OSBP: variants seen among roughly 807,000 people sequenced by gnomAD.
OSBP encodes oxysterol binding protein, also known as oxysterol-binding protein 1.
OSBP carries 32 observed loss-of-function variants against 96.6 expected under a neutral mutation model. That is an observed-to-expected ratio of 0.33 (90% CI 0.25 to 0.45). The LOEUF is 0.45. OSBP is among the 20% of genes least tolerant of loss of function. The pLI is 1.00. For missense variants in OSBP, 653 were observed against 1,029.7 expected (o/e 0.63, Z 5.01); for synonymous variants, 369 against 389.6 (o/e 0.95, Z 0.62).
rs372841494 is a variant in OSBP at position 59,590,728 on chromosome 11, A to G, written c.1678+2876T>C. ...CTCACTTACTCACAACCCTGTCCAT[A>G]TATTTTTCTTCAGCTATATCTACTG... On this transcript the variant is annotated intron_variant, in intron 9 of 13. Transcript: ENST00000263847. Among the ~76,000 whole-genome samples the G allele has an allele frequency of 8.5e-5, 13 of 152,294 alleles. No individual in the cohort carries two copies. The East Asian group carries it at 1.3e-3, about 16-fold the overall frequency.
chr11:59,600,528 T>C lies in OSBP; in HGVS notation c.1279A>G (p.Ile427Val). 6.2e-7 allele frequency: 1 copy of C among 1,614,128 alleles called. No individual in the cohort carries two copies. Among genetic ancestry groups the C allele is most frequent in the East Asian group, 2.2e-5 (1 of 44,878 alleles). ...GGGATCTTAGAGAGTTCTTTTCCAA[T>C]GCAGTTCTTCATGATGCTCCATAAA... ...LNLWSIMKNC[I>V]GKELSKIPMP... Residue 427 changes from isoleucine (I) to valine (V), a missense_variant, in exon 7 of 14, where the codon ATT (isoleucine) becomes GTT (valine). Ile to Val is a conservative substitution (Grantham distance 29, BLOSUM62 3). Around this residue, in one of 6 missense-constraint regions of OSBP, gnomAD observed 308 missense variants for 573.1 expected, o/e 0.54. Transcript: ENST00000263847.
At chr11:59,593,827 A>G in intron 8 of OSBP, 103 bp from the exon 9 acceptor site, 2 of 1,511,604 alleles carry the variant, frequency 1.3e-6, no homozygotes, top group Admixed American at 3.8e-5. Flanking sequence ...ACGTTTTTAC[A>G]CCCACAACAG....
intron 9 of OSBP, among the ~76,000 whole-genome samples, chr11:59,589,433 T>C (rs1469145822): frequency 6.6e-6 from 1 of 151,574 alleles, no homozygotes; most frequent in East Asian, 2.0e-4. Context: ...GAACCCAGTC[T>C]CTACTAAAAA....
rs1383417980 is a variant in OSBP at position 59,608,668 on chromosome 11, G to T, written c.638C>A (p.Thr213Asn). 3.7e-6 allele frequency: 6 copies of T among 1,613,836 alleles called. No individual in the cohort carries two copies. Among genetic ancestry groups the T allele is most frequent in the Non-Finnish European group, 5.1e-6 (6 of 1,179,726 alleles). The change falls in exon 3 of 14, where the codon ACC becomes AAC. Residue 213 changes from threonine (T) to asparagine (N), a missense_variant. Physicochemically the swap from Thr to Asn is moderately conservative, Grantham distance 65 (BLOSUM62 0). Transcript: ENST00000263847. ...DKTELQNTLR[T>N]LSSKVEDLST... ...CAAGTCCTCTACTTTGCTAGAGAGG[G>T]TCCGAAGGGTATTCTGCAGCTCAGT...
At position 59,576,701 on chromosome 11, in the gene OSBP, T is replaced by C. The variant is rs148420169; in HGVS notation, c.2300A>G (p.Tyr767Cys). The change falls in exon 14 of 14, where the codon TAT becomes TGT. Residue 767 changes from tyrosine (Y) to cysteine (C), a missense_variant. Around this residue, in one of 6 missense-constraint regions of OSBP, gnomAD observed 169 missense variants for 251.5 expected, o/e 0.67. Coordinates refer to ENST00000263847, the MANE Select transcript of OSBP (RefSeq NM_002556.3). ...CTTCCGCTCAAACCACAGTGCCTTA[T>C]AGGGATCATATGGTGTGCCTAAAAG... is the stretch of plus-strand genomic sequence containing the variant. ...ATEDGTPYDP[Y>C]KALWFERKKD... 10 of 1,613,754 alleles carry C rather than the reference T, an allele frequency of 6.2e-6. No individual in the cohort carries two copies. Among genetic ancestry groups the C allele is most frequent in the Non-Finnish European group, 8.5e-6 (10 of 1,179,970 alleles).
At chr11:59,585,476 G>A (rs374900630) in intron 9 of OSBP, among the ~76,000 whole-genome samples, 192 of 151,616 alleles carry the variant, frequency 1.3e-3, no homozygotes, top group African/African-American at 3.3e-3. Flanking sequence ...CCCTCCGCCC[G>A]GCAGCCACCC....
At chr11:59,593,837 G>C in intron 8 of OSBP, 113 bp from the exon 9 acceptor site, 2 of 1,472,402 alleles carry the variant, frequency 1.4e-6, no homozygotes, top group East Asian at 4.7e-5. Context: ...ACCCACAACA[G>C]TAGGTGAATC....
chr11:59,598,418 C>T (rs1860683195), intron 7 of OSBP, among the ~76,000 whole-genome samples: 1 of 152,186 alleles, frequency 6.6e-6, no homozygotes, highest in Non-Finnish European at 1.5e-5. Context: ...CCCATCCCCA[C>T]CATCCATTCT....
At chr11:59,590,641 A>G (rs186080419) in intron 9 of OSBP, among the ~76,000 whole-genome samples, 1 of 152,332 alleles carries the variant, frequency 6.6e-6, no homozygotes, top group East Asian at 1.9e-4. Context: ...ACTTTTCCCT[A>G]GATGCCTTAC....
intron 5 of OSBP, 28 bp downstream of exon 5, chr11:59,601,255 T>C (rs1860721077): frequency 1.6e-6 from 2 of 1,255,264 alleles, no homozygotes; most frequent in Admixed American, 1.7e-5. Context: ...GATATGTTTA[T>C]TTGCTTCAAC....
chr11:59,597,316 AT>A (rs551182847), intron 7 of OSBP, among the ~76,000 whole-genome samples: 1 of 151,916 alleles, frequency 6.6e-6, no homozygotes, highest in Admixed American at 6.6e-5. Context: ...AAGTGCTGGG[AT>A]TTTTTTACAG....
At chr11:59,603,535 T>TG (rs1860745833) in intron 3 of OSBP, among the ~76,000 whole-genome samples, 1 of 146,142 alleles carries the variant, frequency 6.8e-6, no homozygotes, top group Non-Finnish European at 1.5e-5. Flanking sequence ...TTCAGTTTTT[T>TG]TTTTTTTTTT....
At position 59,608,481 on chromosome 11, in the gene OSBP, C is replaced by T; in HGVS notation, c.822+3G>A. The T allele has an allele frequency of 6.2e-7, 1 of 1,614,160 alleles. No homozygotes were observed. Among genetic ancestry groups the T allele is most frequent in the Non-Finnish European group, 8.5e-7 (1 of 1,180,006 alleles). On this transcript the variant is annotated splice_donor_region_variant and intron_variant, in intron 3 of 13. Transcript: ENST00000263847. ...AAGCAACACAGACACCATCTGCACT[C>T]ACGTTGATCATGGCATTGGATGTTA...
intron 9 of OSBP, among the ~76,000 whole-genome samples, chr11:59,586,322 TTATAA>T (rs1339240439): frequency 6.6e-6 from 1 of 151,920 alleles, no homozygotes; most frequent in South Asian, 2.1e-4. Context: ...ACAATTCCAC[TTATAA>T]TAGTATCAAA....
intron 3 of OSBP, among the ~76,000 whole-genome samples, chr11:59,603,544 T>G (rs949827701): frequency 1.3e-4 from 19 of 149,028 alleles, no homozygotes; most frequent in Admixed American, 2.7e-4. Flanking sequence ...TTTTTTTTTT[T>G]TTTTTTTTTT....
chr11:59,615,656 C>A lies in OSBP; in HGVS notation c.9G>T (p.Ala3=). 2.2e-6 allele frequency: 3 copies of A among 1,351,030 alleles called. No homozygotes were observed. The highest frequency in any genetic ancestry group is 1.7e-5 in the South Asian group (1 of 57,538). The allele number at this position is 1,351,030 out of a possible 1,614,324, so 83.7% of individuals were successfully genotyped here. MA[A]TELRGVVGPG... ...GCCCCACCACTCCTCTCAGCTCCGT[C>A]GCCGCCATGAGCCGCCGCCGCCTGG... is the stretch of plus-strand genomic sequence containing the variant. The change falls in exon 1 of 14, where the codon GCG becomes GCT. Residue 3 remains alanine, a synonymous_variant. Transcript: ENST00000263847.
At chr11:59,593,762 G>A (rs1261421656) in intron 8 of OSBP, 38 bp from the exon 9 acceptor site, 1 of 1,611,228 alleles carries the variant, frequency 6.2e-7, no homozygotes, top group Non-Finnish European at 8.5e-7. Context: ...CGGCAGAAAG[G>A]AGAAGAAAAA....
intron 9 of OSBP, among the ~76,000 whole-genome samples, chr11:59,587,693 A>T (rs1216617210): frequency 6.6e-6 from 1 of 152,188 alleles, no homozygotes; most frequent in Non-Finnish European, 1.5e-5. Flanking sequence ...GTTGGCAAGG[A>T]TATGGAGTAA....
intron 1 of OSBP, among the ~76,000 whole-genome samples, chr11:59,611,965 G>T (rs1234324163): frequency 1.3e-5 from 2 of 152,206 alleles, no homozygotes; most frequent in African/African-American, 2.4e-5. Context: ...GAACCTGCAT[G>T]TTGAGACTGC....
Sources: gnomAD v4.1 joint callset for allele counts (sites outside exome capture counted in the v4.1 genomes callset) on GRCh38, gnomAD v4.1.1 for gene constraint, gnomAD v4.1.1 regional missense constraint, MANE v1.5 for transcripts, NCBI Gene and HGNC (gene_info 2026-07-23, HGNC 2026-07-21) for gene names.